Variants in CASR observed in about 807,000 individuals in gnomAD.
The protein encoded by CASR is calcium sensing receptor.
CASR carries 23 observed loss-of-function variants against 69.1 expected under a neutral mutation model. The observed-to-expected ratio is 0.33, with a 90% confidence interval of 0.24 to 0.47. The LOEUF (loss-of-function observed/expected upper bound fraction) is 0.47, where lower values mean the gene tolerates loss of function less well. Ranked by LOEUF, CASR falls within the 20% of genes least tolerant of loss-of-function variation. The probability of loss-of-function intolerance (pLI) is 1.00; values close to 1 mark genes in which losing one functional copy is unlikely to be tolerated. For missense variants in CASR, 924 were observed against 1,356.1 expected (o/e 0.68, Z 5.00); for synonymous variants, 541 against 544.7 (o/e 0.99, Z 0.10).
At chr3:122,198,462 T>A (rs1405192251) in intron 1 of CASR, among the ~76,000 whole-genome samples, 2 of 152,196 alleles carry the variant, frequency 1.3e-5, no homozygotes, top group East Asian at 3.8e-4. Context: ...ATATTTTGAA[T>A]AAAAGTTGCA....
intron 1 of CASR, among the ~76,000 whole-genome samples, chr3:122,224,849 G>A (rs997736792): frequency 6.6e-5 from 10 of 152,078 alleles, no homozygotes; most frequent in African/African-American, 2.4e-4. Context: ...CAGACACATA[G>A]ACCAATGGAA....
rs542541990 is a variant in CASR at position 122,284,156 on chromosome 3, G to A, written c.2202G>A (p.Met734Ile). 1 of 1,613,512 alleles carries A rather than the reference G, an allele frequency of 6.2e-7. No individual in the cohort carries two copies. Among genetic ancestry groups the A allele is most frequent in the Admixed American group, 1.7e-5 (1 of 60,018 alleles). Reference sequence around the variant, plus strand: ...TGCTGGTTTTCCTCTGCACCTTCATGCAGATTGTCATCTGTGTGATCTGGC... The same window carrying A: ...TGCTGGTTTTCCTCTGCACCTTCATACAGATTGTCATCTGTGTGATCTGGC... Reference protein sequence around the residue: ...QFLLVFLCTFMQIVICVIWLY... With the variant: ...QFLLVFLCTFIQIVICVIWLY... Residue 734 changes from methionine (M) to isoleucine (I), a missense_variant, in exon 7 of 7, where the codon ATG (methionine) becomes ATA (isoleucine). Physicochemically the swap from Met to Ile is conservative, Grantham distance 10. This residue lies in a region of CASR where 184 missense variants were observed against 278.8 expected (regional missense o/e 0.66). Coordinates refer to ENST00000639785, the MANE Select transcript of CASR (RefSeq NM_000388.4).
chr3:122,214,075 T>A lies in CASR; in HGVS notation c.-243+30263T>A, dbSNP rs192859346. Among the ~76,000 whole-genome samples the A allele has an allele frequency of 4.0e-4, 61 of 152,368 alleles. No individual in the cohort carries two copies. In the East Asian group the frequency reaches 0.01, roughly 26 times the overall value. ...GTGCCTGGGTTTTTGTTGTTGTTGC[T>A]TACTATCTCTTTGTCTCTTTGTCCT... On this transcript the variant is annotated intron_variant, in intron 1 of 6. Transcript: ENST00000639785.
chr3:122,201,911 C>A (rs1375304135), intron 1 of CASR, among the ~76,000 whole-genome samples: 2 of 151,814 alleles, frequency 1.3e-5, no homozygotes, highest in Admixed American at 6.6e-5. Flanking sequence ...GGCGGCCGGG[C>A]AGAGACGCTC....
At position 122,288,745 on chromosome 3, in the gene CASR, A is replaced by C. The variant is rs922123882; in HGVS notation, c.*3554A>C. The C allele has an allele frequency of 1.3e-5, 2 of 152,142 alleles. No individual in the cohort carries two copies. Among genetic ancestry groups the C allele is most frequent in the Non-Finnish European group, 2.9e-5 (2 of 68,022 alleles). The allele number at this position is 152,142 out of a possible 1,614,324, so 9.4% of individuals were successfully genotyped here. A position where few individuals can be genotyped will look rare whatever the true frequency, so the allele number is the denominator to read the frequency against. The stretch of plus-strand genomic sequence containing the variant: ...CAAACTAGTGTTTGCTTTTCTCTTG[A>C]ATAAAGGAAGTCAGGAGGTAAATAT... On this transcript the variant is annotated 3_prime_UTR_variant, in exon 7 of 7. Coordinates refer to ENST00000639785, the MANE Select transcript of CASR (RefSeq NM_000388.4).
In CASR at chr3:122,289,920, TA is replaced by T. The variant is rs35779912; in HGVS notation, c.*4741del. 107,186 of 147,890 alleles carry T rather than the reference TA, an allele frequency of 0.72. 40,191 individuals carry two copies. The highest frequency in any genetic ancestry group is 0.95 in the East Asian group (4,785 of 5,018). The allele number at this position is 147,890 out of a possible 1,614,324, so 9.2% of individuals were successfully genotyped here. A position where few individuals can be genotyped will look rare whatever the true frequency, so the allele number is the denominator to read the frequency against. The stretch of plus-strand genomic sequence containing the variant: ...GGCAAAACCCCATCTCTACAAACAA[TA>T]AAAAAAAAAAACAGCTGGACATGGT... On this transcript the variant is annotated 3_prime_UTR_variant, in exon 7 of 7. Coordinates refer to ENST00000639785, the MANE Select transcript of CASR (RefSeq NM_000388.4).
In CASR at chr3:122,290,880, T is replaced by A. The variant is rs1576881531; in HGVS notation, c.*5689T>A. The A allele has an allele frequency of 4.6e-5, 4 of 87,768 alleles. No homozygotes were observed. The highest frequency in any genetic ancestry group is 9.2e-5 in the African/African-American group (2 of 21,634). The allele number at this position is 87,768 out of a possible 1,614,324, so 5.4% of individuals were successfully genotyped here. A position where few individuals can be genotyped will look rare whatever the true frequency, so the allele number is the denominator to read the frequency against. ...ATCTCCTAATGCTATCCCTCCCCCC[T>A]CCCCCCACCCCACAATAGGCCCTGG... On this transcript the variant is annotated 3_prime_UTR_variant, in exon 7 of 7. Transcript: ENST00000639785.
intron 4 of CASR, among the ~76,000 whole-genome samples, chr3:122,265,255 AAATTC>A (rs2074678729): frequency 2.0e-5 from 3 of 152,222 alleles, no homozygotes; most frequent in African/African-American, 7.2e-5. Flanking sequence ...TTATTAGTTA[AAATTC>A]TGGTTATAAG....
chr3:122,266,300 T>A (rs2074693216), intron 4 of CASR, among the ~76,000 whole-genome samples: 1 of 152,080 alleles, frequency 6.6e-6, no homozygotes. Context: ...TGTTAGCTTC[T>A]AAGTGCATGC....
intron 4 of CASR, among the ~76,000 whole-genome samples, chr3:122,274,249 G>T (rs1438296648): frequency 6.6e-6 from 1 of 152,192 alleles, no homozygotes; most frequent in Non-Finnish European, 1.5e-5. Flanking sequence ...GCAGGTTAAG[G>T]GAGGCACCCA....
chr3:122,197,903 G>A (rs1423666027), intron 1 of CASR, among the ~76,000 whole-genome samples: 5 of 151,944 alleles, frequency 3.3e-5, no homozygotes, highest in Admixed American at 1.3e-4. Flanking sequence ...ATTCTTCATT[G>A]ACTGTTTCAA....
At chr3:122,258,882 T>G (rs2074586816) in intron 3 of CASR, among the ~76,000 whole-genome samples, 1 of 152,024 alleles carries the variant, frequency 6.6e-6, no homozygotes, top group Non-Finnish European at 1.5e-5. Flanking sequence ...GTCGGGAGGT[T>G]TTAACACTCT....
chr3:122,251,817 A>G (rs566587719), intron 1 of CASR, among the ~76,000 whole-genome samples: 3 of 152,380 alleles, frequency 2.0e-5, no homozygotes, highest in African/African-American at 7.2e-5. Context: ...GATCACAGAC[A>G]TTAAGTGACT....
In CASR at chr3:122,286,959, C is replaced by T. The variant is rs929064825; in HGVS notation, c.*1768C>T. ...ATAATGAGAAATCATTAGAGGGCAC[C>T]ATGTGGGAGCGCGACTGTGAGCAGA... On this transcript the variant is annotated 3_prime_UTR_variant, in exon 7 of 7. Coordinates refer to ENST00000639785, the MANE Select transcript of CASR (RefSeq NM_000388.4). 1 of 152,144 alleles carries T rather than the reference C, an allele frequency of 6.6e-6. No homozygotes were observed. Among genetic ancestry groups the T allele is most frequent in the African/African-American group, 2.4e-5 (1 of 41,424 alleles). 9.4% of individuals were successfully genotyped at this position (152,144 alleles called of 1,614,324 possible).
rs766844902 is a variant in CASR, at chr3:122,261,716, A to G, written c.681A>G (p.Arg227=). 5 of 1,614,232 alleles carry G rather than the reference A, an allele frequency of 3.1e-6. No individual in the cohort carries two copies. The highest frequency in any genetic ancestry group is 4.2e-6 in the Non-Finnish European group (5 of 1,180,044). ...DYGRPGIEKF[R]EEAEERDICI... is the part of the protein sequence containing the mutation. Reference sequence around the variant, plus strand: ...GGCGGCCGGGGATTGAGAAATTCCGAGAGGAAGCTGAGGAAAGGGATATCT... The same window carrying G: ...GGCGGCCGGGGATTGAGAAATTCCGGGAGGAAGCTGAGGAAAGGGATATCT... Residue 227 remains arginine, a synonymous_variant, in exon 4 of 7, where the codon CGA becomes CGG. Coordinates refer to ENST00000639785, the MANE Select transcript of CASR (RefSeq NM_000388.4).
At chr3:122,253,489 T>C (rs921168528) in intron 1 of CASR, among the ~76,000 whole-genome samples, 2 of 152,216 alleles carry the variant, frequency 1.3e-5, no homozygotes, top group Non-Finnish European at 2.9e-5. Flanking sequence ...GTTATCCACC[T>C]GCCTCAGCTC....
At chr3:122,262,507 A>G (rs2074640609) in intron 4 of CASR, 95 bp downstream of exon 4, 2 of 1,094,066 alleles carry the variant, frequency 1.8e-6, no homozygotes, top group Admixed American at 1.8e-5. Context: ...TGAAAAGGGC[A>G]ATATTTAAAT....
At chr3:122,192,767 G>A (rs1449210248) in intron 1 of CASR, among the ~76,000 whole-genome samples, 1 of 152,114 alleles carries the variant, frequency 6.6e-6, no homozygotes, top group Non-Finnish European at 1.5e-5. Flanking sequence ...TGATTAAGCG[G>A]GTCTGGAGTG....
At chr3:122,234,649 G>T (rs2074311921) in intron 1 of CASR, among the ~76,000 whole-genome samples, 1 of 152,164 alleles carries the variant, frequency 6.6e-6, no homozygotes, top group South Asian at 2.1e-4. Flanking sequence ...TATTTGTAAG[G>T]CCTCTGTATA....
Sources: allele counts gnomAD v4.1 joint callset (sites outside exome capture counted in the v4.1 genomes callset), GRCh38; gene constraint gnomAD v4.1.1; regional missense constraint gnomAD v4.1.1; transcripts MANE v1.5; gene names NCBI Gene and HGNC (gene_info 2026-07-23, HGNC 2026-07-21).